PFN4: variants seen among roughly 807,000 people sequenced by gnomAD.
The protein encoded by PFN4 is profilin-4.
PFN4 carries 10 observed loss-of-function variants against 16.3 expected under a neutral mutation model. The ratio of observed to expected loss-of-function variants is 0.61; its 90% CI spans 0.38 to 1.04. The LOEUF (loss-of-function observed/expected upper bound fraction) is 1.04, where lower values mean the gene tolerates loss of function less well. PFN4 is among the 50% of genes least tolerant of loss of function. The pLI is 0.01. For synonymous variants in PFN4, 54 were observed against 56.9 expected (o/e 0.95, Z 0.23); for missense variants, 136 against 153.6 (o/e 0.89, Z 0.61).
chr2:24,115,036 A>G lies in PFN4; in HGVS notation c.*547T>C, dbSNP rs1004937893. ...GGTCCATTGTTGAATGGCCTTTGCA[A>G]TCCCTTCTCCCAAGTCTCACCGGGG... On this transcript the variant is annotated 3_prime_UTR_variant, in exon 5 of 5. Coordinates refer to ENST00000313213, the MANE Select transcript of PFN4 (RefSeq NM_199346.3). Among the ~76,000 whole-genome samples the G allele has an allele frequency of 2.6e-5, 4 of 152,196 alleles. No individual in the cohort carries two copies. Among genetic ancestry groups the G allele is most frequent in the African/African-American group, 4.8e-5 (2 of 41,450 alleles).
Position 24,121,294 on chromosome 2 carries a change from G to T in PFN4, c.124C>A (p.Pro42Thr). The T allele has an allele frequency of 6.2e-7, 1 of 1,614,136 alleles. No individual in the cohort carries two copies. The highest frequency in any genetic ancestry group is 8.5e-7 in the Non-Finnish European group (1 of 1,180,008). Residue 42 changes from proline (P) to threonine (T), a missense_variant, in exon 3 of 5, where the codon CCC (proline) becomes ACC (threonine). Pro to Thr is a conservative substitution (Grantham distance 38). Transcript: ENST00000313213. ...TTCACCAGTGTTCGGACATCACTGG[G>T]CGTTACCTGGAGAGGTTACATGGTT... The part of the protein sequence containing the change: ...CVASPGFNVT[P>T]SDVRTLVNGF...
Position 24,119,577 on chromosome 2 carries a change from C to T in PFN4, c.361G>A (p.Gly121Arg). Reference protein sequence around the residue: ...SICVEATESLGDYLRKKGS With the variant: ...SICVEATESLRDYLRKKGS ...GACAGGAACTAGGAGGCCAACTTAC[C>T]CAGGCTCTCTGTGGCTTCCACACAG... is the stretch of plus-strand genomic sequence containing the variant. Residue 121 changes from glycine (G) to arginine (R), a missense_variant and splice_region_variant, in exon 4 of 5, where the codon GGA becomes AGA. Gly to Arg is a moderately radical substitution (Grantham distance 125). Coordinates refer to ENST00000313213, the MANE Select transcript of PFN4 (RefSeq NM_199346.3). 6.2e-7 allele frequency: 1 copy of T among 1,612,344 alleles called. No homozygotes were observed. Among genetic ancestry groups the T allele is most frequent in the Non-Finnish European group, 8.5e-7 (1 of 1,178,942 alleles).
intron 2 of PFN4, 53 bp downstream of exon 2, chr2:24,122,366 G>T: frequency 3.1e-6 from 4 of 1,280,704 alleles, no homozygotes; most frequent in Non-Finnish European, 4.5e-6. Context: ...TTTTTTGGAA[G>T]AATAGAAATA....
chr2:24,119,037 T>A (rs1176684611), intron 4 of PFN4, among the ~76,000 whole-genome samples: 1 of 152,162 alleles, frequency 6.6e-6, no homozygotes, highest in African/African-American at 2.4e-5. Context: ...TTCAAAAATG[T>A]ATAGACACGG....
intron 4 of PFN4, 44 bp downstream of exon 4, chr2:24,119,533 A>C: frequency 2.1e-6 from 3 of 1,426,522 alleles, no homozygotes; most frequent in Non-Finnish European, 2.9e-6. Context: ...CGGAAGACCC[A>C]ACTAACATAG....
Position 24,116,187 on chromosome 2 carries a change from G to A in PFN4, c.362-576C>T, listed in dbSNP as rs527521287. Among the ~76,000 whole-genome samples, 6 of 152,180 alleles carry A rather than the reference G, an allele frequency of 3.9e-5. No individual in the cohort carries two copies. The South Asian group carries it at 1.2e-3, about 32-fold the overall frequency. On this transcript the variant is annotated intron_variant, in intron 4 of 4. Coordinates refer to ENST00000313213, the MANE Select transcript of PFN4 (RefSeq NM_199346.3). ...ACTAAAAATACAAAAAATTAGCCAG[G>A]CATGGTGGCATGCTCCTGTAGTCCC...
rs1666175345 is a variant in PFN4, at chr2:24,123,118, C to T, written c.-13G>A. 1 of 152,444 alleles carries T rather than the reference C, an allele frequency of 6.6e-6. No individual in the cohort carries two copies. Among genetic ancestry groups the T allele is most frequent in the African/African-American group, 2.4e-5 (1 of 41,454 alleles). The allele number at this position is 152,444 out of a possible 1,614,324, so 9.4% of individuals were successfully genotyped here. Reference sequence around the variant, plus strand: ...AGCCTTGGACCCCCCTCATCAGGACCTCCGGCACAGGCGCCCGTTTCCCGC... The same window carrying T: ...AGCCTTGGACCCCCCTCATCAGGACTTCCGGCACAGGCGCCCGTTTCCCGC... On this transcript the variant is annotated splice_region_variant and 5_prime_UTR_variant, in exon 1 of 5. Transcript: ENST00000313213.
At chr2:24,117,731 C>G (rs193038974) in intron 4 of PFN4, among the ~76,000 whole-genome samples, 37 of 152,324 alleles carry the variant, frequency 2.4e-4, no homozygotes, top group African/African-American at 8.2e-4. Flanking sequence ...GTGTGAGCCA[C>G]CCCATCTGGC....
At position 24,122,478 on chromosome 2, in the gene PFN4, T is replaced by C. The variant is rs772582098; in HGVS notation, c.58A>G (p.Ser20Gly). The change falls in exon 2 of 5, where the codon AGT becomes GGT. Residue 20 changes from serine (S) to glycine (G), a missense_variant. Transcript: ENST00000313213. ...TCCTGGATTTTGATGAGGGCTGCAC[T>C]GTCCACATGCTTGGTTCCCAAGAGG... ...DTLLGTKHVD[S>G]AALIKIQERS... 1.3e-5 allele frequency: 21 copies of C among 1,614,204 alleles called. No homozygotes were observed. Among genetic ancestry groups the C allele is most frequent in the Non-Finnish European group, 1.7e-5 (20 of 1,180,012 alleles).
In PFN4 at chr2:24,115,019, G is replaced by A. The variant is rs1399236133; in HGVS notation, c.*564C>T. 6.6e-6 allele frequency among the ~76,000 whole-genome samples: 1 copy of A among 152,232 alleles called. No individual in the cohort carries two copies. Among genetic ancestry groups the A allele is most frequent in the East Asian group, 1.9e-4 (1 of 5,204 alleles). On this transcript the variant is annotated 3_prime_UTR_variant, in exon 5 of 5. Coordinates refer to ENST00000313213, the MANE Select transcript of PFN4 (RefSeq NM_199346.3). ...TGAATACCTTGACTAGTGGTCCATT[G>A]TTGAATGGCCTTTGCAATCCCTTCT... is the stretch of plus-strand genomic sequence containing the variant.
intron 4 of PFN4, among the ~76,000 whole-genome samples, chr2:24,115,907 C>CAAAA (rs35038662): frequency 8.5e-6 from 1 of 117,048 alleles, no homozygotes; most frequent in Non-Finnish European, 1.8e-5. Context: ...GGTTCCCATG[C>CAAAA]AAAAAAAAAA....
upstream of PFN4, chr2:24,123,484 C>A (rs1034867868): frequency 6.6e-6 from 1 of 152,170 alleles, no homozygotes; most frequent in East Asian, 1.9e-4. Context: ...CGCTGTGGAA[C>A]CCGCGGCGCA....
chr2:24,119,229 A>G (rs931347881), intron 4 of PFN4, among the ~76,000 whole-genome samples: 20 of 151,834 alleles, frequency 1.3e-4, no homozygotes, highest in Non-Finnish European at 2.4e-4. Flanking sequence ...GGGGTAAACC[A>G]TATGACCTGA....
intron 2 of PFN4, 75 bp from the exon 3 acceptor site, chr2:24,121,375 G>GT (rs1310257344): frequency 7.2e-6 from 10 of 1,396,422 alleles, no homozygotes; most frequent in Non-Finnish European, 9.8e-6. Context: ...CCCACTACCT[G>GT]TTTTTTATGG....
chr2:24,115,418 G>A lies in PFN4; in HGVS notation c.*165C>T. On this transcript the variant is annotated 3_prime_UTR_variant, in exon 5 of 5. Transcript: ENST00000313213. ...AAAAACAGTTGATCAAGTAATTCCA[G>A]TGAAAGAAGAGGATCTCTGGAAGTA... 1.6e-6 allele frequency: 1 copy of A among 618,428 alleles called. No individual in the cohort carries two copies. The highest frequency in any genetic ancestry group is 1.8e-5 in the African/African-American group (1 of 54,230). The allele number at this position is 618,428 out of a possible 1,614,324, so 38.3% of individuals were successfully genotyped here.
chr2:24,115,186 A>T lies in PFN4; in HGVS notation c.*397T>A, dbSNP rs1016358877. On this transcript the variant is annotated 3_prime_UTR_variant, in exon 5 of 5. Coordinates refer to ENST00000313213, the MANE Select transcript of PFN4 (RefSeq NM_199346.3). The stretch of plus-strand genomic sequence containing the variant: ...CAAGCTTGCTCTCTGTCCTGATGGG[A>T]GACATCCCTTCATTTTTCAAGGTTG... Among the ~76,000 whole-genome samples the T allele has an allele frequency of 3.9e-5, 6 of 152,192 alleles. No homozygotes were observed. Among genetic ancestry groups the T allele is most frequent in the Non-Finnish European group, 8.8e-5 (6 of 68,022 alleles).
At chr2:24,117,047 G>A (rs571986184) in intron 4 of PFN4, among the ~76,000 whole-genome samples, 13 of 131,546 alleles carry the variant, frequency 9.9e-5, no homozygotes, top group East Asian at 2.2e-4. Context: ...ACAGAGTCTC[G>A]CTCTGTCATC....
At chr2:24,117,563 C>G (rs572267577) in intron 4 of PFN4, among the ~76,000 whole-genome samples, 1 of 151,966 alleles carries the variant, frequency 6.6e-6, no homozygotes, top group Non-Finnish European at 1.5e-5. Flanking sequence ...CTGCCTCAGC[C>G]TCCTGAGCAG....
chr2:24,115,398 C>G lies in PFN4; in HGVS notation c.*185G>C, dbSNP rs1399402636. The stretch of plus-strand genomic sequence containing the variant: ...CCGATGACCAACACTTATTAAAAAA[C>G]AGTTGATCAAGTAATTCCAGTGAAA... On this transcript the variant is annotated 3_prime_UTR_variant, in exon 5 of 5. Coordinates refer to ENST00000313213, the MANE Select transcript of PFN4 (RefSeq NM_199346.3). 3.4e-6 allele frequency: 2 copies of G among 593,134 alleles called. No individual in the cohort carries two copies. The highest frequency in any genetic ancestry group is 1.9e-5 in the African/African-American group (1 of 53,640). The allele number at this position is 593,134 out of a possible 1,614,324, so 36.7% of individuals were successfully genotyped here.
Sources: gnomAD v4.1 joint callset for allele counts (sites outside exome capture counted in the v4.1 genomes callset) on GRCh38, gnomAD v4.1.1 for gene constraint, MANE v1.5 for transcripts, NCBI Gene and HGNC (gene_info 2026-07-23, HGNC 2026-07-21) for gene names.